SIL1: variants seen among roughly 807,000 people sequenced by gnomAD.
The protein encoded by SIL1 is SIL1 nucleotide exchange factor, also known as nucleotide exchange factor SIL1.
Under a neutral mutation model 49.1 loss-of-function variants are expected in SIL1, and 40 were observed. The observed-to-expected ratio is 0.81, with a 90% CI of 0.63 to 1.06. SIL1 has a LOEUF of 1.06. Ranked by LOEUF, SIL1 falls within the 50% of genes least tolerant of loss-of-function variation. SIL1 has a pLI of 0.00. For missense variants in SIL1, 500 were observed against 572.6 expected, an observed-to-expected ratio of 0.87 and a Z score of 1.29; for synonymous variants, 253 against 250.8, an observed-to-expected ratio of 1.01 and a Z score of -0.08.
chr5:138,968,789 TC>T (rs917252988), intron 7 of SIL1, among the ~76,000 whole-genome samples: 10 of 152,074 alleles, frequency 6.6e-5, no homozygotes, highest in Non-Finnish European at 1.3e-4. Flanking sequence ...TGGCTCTGTG[TC>T]CCCTCCCAGC....
At chr5:139,098,936 C>T (rs1420020224) in intron 3 of SIL1, among the ~76,000 whole-genome samples, 1 of 150,494 alleles carries the variant, frequency 6.6e-6, no homozygotes, top group East Asian at 2.0e-4. Flanking sequence ...CCTGTCTCAG[C>T]CTCCTGAGTA....
At chr5:139,175,701 G>A (rs765249715) in intron 1 of SIL1, among the ~76,000 whole-genome samples, 8 of 152,082 alleles carry the variant, frequency 5.3e-5, no homozygotes, top group Non-Finnish European at 1.0e-4. Context: ...GGTGGCTCAC[G>A]CCTGTAATCC....
At chr5:139,146,429 AT>A (rs2151803706) in intron 1 of SIL1, among the ~76,000 whole-genome samples, 1 of 152,234 alleles carries the variant, frequency 6.6e-6, no homozygotes, top group African/African-American at 2.4e-5. Context: ...ATGGAAGCAC[AT>A]GCCTGTGGTC....
At chr5:139,131,299 C>T (rs1750857710) in intron 1 of SIL1, among the ~76,000 whole-genome samples, 1 of 152,136 alleles carries the variant, frequency 6.6e-6, no homozygotes, top group Non-Finnish European at 1.5e-5. Flanking sequence ...TTTTCTCTAT[C>T]CCACTCCTGC....
intron 5 of SIL1, among the ~76,000 whole-genome samples, chr5:139,042,109 T>C (rs1769060381): frequency 1.3e-5 from 2 of 152,214 alleles, no homozygotes; most frequent in South Asian, 2.1e-4. Context: ...ACCTCAGTCA[T>C]CCTCTTGTTC....
At chr5:139,023,970 G>A (rs979455467) in intron 6 of SIL1, among the ~76,000 whole-genome samples, 1 of 152,220 alleles carries the variant, frequency 6.6e-6, no homozygotes, top group South Asian at 2.1e-4. Flanking sequence ...GTCTGGTGAG[G>A]TGGCCTGTGA....
chr5:139,108,761 C>T (rs936476890), intron 3 of SIL1, among the ~76,000 whole-genome samples: 1 of 152,154 alleles, frequency 6.6e-6, no homozygotes, highest in African/African-American at 2.4e-5. Context: ...AATATTCCCC[C>T]AGCTACAGAC....
chr5:139,139,756 G>A (rs1256492415), intron 1 of SIL1, among the ~76,000 whole-genome samples: 2 of 152,246 alleles, frequency 1.3e-5, no homozygotes, highest in Non-Finnish European at 2.9e-5. Context: ...GGAGGCTGAG[G>A]CAGGTGGATC....
chr5:139,039,562 C>T (rs1768993662), intron 5 of SIL1, among the ~76,000 whole-genome samples: 1 of 152,058 alleles, frequency 6.6e-6, no homozygotes, highest in Non-Finnish European at 1.5e-5. Context: ...ATATAGAGGA[C>T]AAAAAGAAAA....
chr5:139,000,892 A>C (rs1767968050), intron 7 of SIL1, among the ~76,000 whole-genome samples: 1 of 151,912 alleles, frequency 6.6e-6, no homozygotes, highest in Admixed American at 6.6e-5. Context: ...ATAATTACCC[A>C]GATTATATAT....
Position 139,018,004 on chromosome 5 carries a change from A to G in SIL1, c.767+3167T>C, listed in dbSNP as rs577198563. ...AAAGCATCAGCACCCCTACCCCTGC[A>G]TATCTTTTTATGTAAGAGCTTGACC... On this transcript the variant is annotated intron_variant, in intron 7 of 9. Transcript: ENST00000394817. Among the ~76,000 whole-genome samples the G allele has an allele frequency of 6.6e-4, 101 of 152,322 alleles. 1 individual carries two copies. Among genetic ancestry groups the G allele is most frequent in the African/African-American group, 2.3e-3 (95 of 41,578 alleles).
At chr5:138,976,460 G>A (rs1193994371) in intron 7 of SIL1, among the ~76,000 whole-genome samples, 3 of 151,772 alleles carry the variant, frequency 2.0e-5, no homozygotes, top group Non-Finnish European at 4.4e-5. Context: ...TTACAGGCAC[G>A]CGCCACCATA....
At chr5:139,058,051 A>C (rs545637487) in intron 3 of SIL1, among the ~76,000 whole-genome samples, 15 of 152,382 alleles carry the variant, frequency 9.8e-5, no homozygotes, top group African/African-American at 3.6e-4. Context: ...TGAATTAATA[A>C]AAGTAGTATA....
intron 7 of SIL1, among the ~76,000 whole-genome samples, chr5:139,015,827 G>A (rs1195772869): frequency 6.6e-6 from 1 of 152,230 alleles, no homozygotes; most frequent in East Asian, 1.9e-4. Context: ...GGATTTCCAT[G>A]TTTGCTTTAG....
At chr5:139,064,901 T>C (rs1018694316) in intron 3 of SIL1, among the ~76,000 whole-genome samples, 5 of 152,082 alleles carry the variant, frequency 3.3e-5, no homozygotes, top group Non-Finnish European at 5.9e-5. Flanking sequence ...GAATAAGAGA[T>C]CATGCATAGG....
intron 1 of SIL1, among the ~76,000 whole-genome samples, chr5:139,175,956 T>C (rs1751872784): frequency 6.6e-6 from 1 of 151,698 alleles, no homozygotes. Context: ...TGAGACTCAG[T>C]CTCAAAAAGA....
chr5:139,162,244 T>TTTC (rs1751527844), intron 1 of SIL1, among the ~76,000 whole-genome samples: 1 of 152,222 alleles, frequency 6.6e-6, no homozygotes, highest in Admixed American at 6.5e-5. Context: ...TGTGAATTTG[T>TTTC]TTCTATCTGG....
intron 7 of SIL1, among the ~76,000 whole-genome samples, chr5:139,001,783 T>C (rs1367358636): frequency 6.6e-5 from 10 of 151,908 alleles, no homozygotes; most frequent in Non-Finnish European, 7.4e-5. Context: ...CGGGCGCCTA[T>C]AGTCCCAGCT....
intron 3 of SIL1, among the ~76,000 whole-genome samples, chr5:139,098,875 G>T (rs1770526819): frequency 7.4e-6 from 1 of 134,586 alleles, no homozygotes; most frequent in Admixed American, 8.6e-5. Flanking sequence ...GGAGTGCAGT[G>T]GTGTGATCTC....
Sources: gnomAD v4.1 joint callset for allele counts (sites outside exome capture counted in the v4.1 genomes callset) on GRCh38, gnomAD v4.1.1 for gene constraint, MANE v1.5 for transcripts, NCBI Gene and HGNC (gene_info 2026-07-23, HGNC 2026-07-21) for gene names.